RAB37: variants seen among roughly 807,000 people sequenced by gnomAD.
The protein encoded by RAB37 is RAB37, member RAS oncogene family.
A neutral mutation model predicts 33.1 loss-of-function variants in RAB37; 29 were observed. The observed-to-expected ratio is 0.88, with a 90% CI of 0.65 to 1.20. The LOEUF is 1.20. RAB37 is among the 50% of genes most tolerant of loss of function. RAB37 has a pLI of 0.00. For synonymous variants in RAB37, 128 were observed against 119.5 expected, an observed-to-expected ratio of 1.07 and a Z score of -0.47; for missense variants, 299 against 301.1, an observed-to-expected ratio of 0.99 and a Z score of 0.05.
At position 74,742,107 on chromosome 17, in the gene RAB37, C is replaced by A; in HGVS notation, c.205-147C>A. ...GAGGTGTCTGGGTATGGGGTTCCTG[C>A]TGCCCTGATGGTATGATCTGGCTGG... On this transcript the variant is annotated intron_variant, in intron 2 of 8. Coordinates refer to ENST00000392613, the MANE Select transcript of RAB37 (RefSeq NM_001006638.3). This position sits in a 1 kb window ranked among gnomAD's most constrained non-coding sequence, Gnocchi z 4.0. The A allele has an allele frequency of 1.1e-6, 1 of 911,804 alleles. No individual in the cohort carries two copies. Among genetic ancestry groups the A allele is most frequent in the Non-Finnish European group, 1.7e-6 (1 of 598,624 alleles). The allele number at this position is 911,804 out of a possible 1,614,324, so 56.5% of individuals were successfully genotyped here. A position where few individuals can be genotyped will look rare whatever the true frequency, so the allele number is the denominator to read the frequency against.
chr17:74,735,002 A>G (rs1240135377), upstream of RAB37, among the ~76,000 whole-genome samples: 267 of 85,150 alleles, frequency 3.1e-3, 1 homozygote, highest in African/African-American at 7.1e-3. Flanking sequence ...GAAGAAAGAA[A>G]AAGAAAGGAA....
chr17:74,736,786 T>C, upstream of RAB37: 1 of 1,535,580 alleles, frequency 6.5e-7, no homozygotes, highest in Non-Finnish European at 8.7e-7. Flanking sequence ...GCCGGGTGAC[T>C]TAACAGATGA....
chr17:74,727,169 G>A (rs1239232125), intron 1 of RAB37, among the ~76,000 whole-genome samples: 2 of 152,226 alleles, frequency 1.3e-5, no homozygotes, highest in Non-Finnish European at 2.9e-5. Flanking sequence ...AAGTCCAAGT[G>A]TGCAAGGCAC....
rs1394110823 is a variant in RAB37 at position 74,701,381 on chromosome 17, T to C, written c.73-27875T>C. Among the ~76,000 whole-genome samples the C allele has an allele frequency of 5.9e-5, 9 of 152,196 alleles. No homozygotes were observed. The East Asian group carries it at 1.7e-3, about 29-fold the overall frequency. ...AGAGTGAGTGCTCAAGAGTTATGTG[T>C]TAAATAAATGAGTGAACAAACCATC... is the stretch of plus-strand genomic sequence containing the variant. On this transcript the variant is annotated intron_variant, in intron 1 of 7. Coordinates refer to the RAB37 transcript ENST00000340415.
intron 1 of RAB37, chr17:74,698,517 C>A (rs1380642448): frequency 6.3e-7 from 1 of 1,583,546 alleles, no homozygotes; most frequent in East Asian, 2.3e-5. Context: ...GCATCCCAGG[C>A]TCACCACCTG....
At chr17:74,688,950 A>C (rs892905045) in intron 1 of RAB37, among the ~76,000 whole-genome samples, 2 of 152,252 alleles carry the variant, frequency 1.3e-5, no homozygotes, top group African/African-American at 4.8e-5. Context: ...TTAGGTCTAC[A>C]TCAAAATACT....
intron 1 of RAB37, among the ~76,000 whole-genome samples, chr17:74,687,406 T>C (rs1178319629): frequency 6.6e-6 from 1 of 152,012 alleles, no homozygotes; most frequent in Non-Finnish European, 1.5e-5. Context: ...GTATTTTTAA[T>C]AGAGATGGGG....
At chr17:74,731,874 G>A (rs1567811042) in intron 2 of RAB37, among the ~76,000 whole-genome samples, 1 of 152,218 alleles carries the variant, frequency 6.6e-6, no homozygotes, top group African/African-American at 2.4e-5. Context: ...GCCAGGCGTG[G>A]TGGCACACGC....
intron 1 of RAB37, among the ~76,000 whole-genome samples, chr17:74,694,150 T>C (rs554771113): frequency 9.2e-5 from 14 of 152,154 alleles, no homozygotes; most frequent in African/African-American, 3.1e-4. Context: ...AACCTCTCCA[T>C]CCCTAGGGTT....
chr17:74,705,059 A>G, intron 1 of RAB37: 2 of 614,474 alleles, frequency 3.3e-6, no homozygotes, highest in South Asian at 3.8e-5. Flanking sequence ...ATAAGCAATA[A>G]TAACTTCCTG....
At chr17:74,724,016 G>T (rs192720366) in intron 1 of RAB37, among the ~76,000 whole-genome samples, 1 of 152,192 alleles carries the variant, frequency 6.6e-6, no homozygotes, top group Non-Finnish European at 1.5e-5. Context: ...AGCAGCTGTT[G>T]GGTGGCGAGA....
chr17:74,705,659 A>G (rs572563541), intron 1 of RAB37, among the ~76,000 whole-genome samples: 12 of 152,166 alleles, frequency 7.9e-5, no homozygotes, highest in African/African-American at 2.9e-4. Flanking sequence ...TCATGGCTCA[A>G]TCATGGCTCA....
intron 1 of RAB37, among the ~76,000 whole-genome samples, chr17:74,679,364 C>T (rs1241077106): frequency 6.6e-6 from 1 of 152,112 alleles, no homozygotes. Flanking sequence ...CACCCCCTTT[C>T]AGCCCCTGGA....
At position 74,676,636 on chromosome 17, in the gene RAB37, C is replaced by T. The variant is rs758834579; in HGVS notation, c.72+4978C>T. The stretch of plus-strand genomic sequence containing the variant: ...AAACATGCATTGGACATTTCCAAAG[C>T]GTAAAGAACTAGGCTGGTCATTGTC... On this transcript the variant is annotated intron_variant, in intron 1 of 7. Coordinates refer to the RAB37 transcript ENST00000340415. The surrounding 1 kb of genome is among the most constrained non-coding windows in gnomAD (Gnocchi z 4.1). Among the ~76,000 whole-genome samples, 1 of 152,176 alleles carries T rather than the reference C, an allele frequency of 6.6e-6. No individual in the cohort carries two copies. The highest frequency in any genetic ancestry group is 1.5e-5 in the Non-Finnish European group (1 of 68,040).
At chr17:74,714,718 G>A (rs901506195) in intron 1 of RAB37, among the ~76,000 whole-genome samples, 6 of 152,070 alleles carry the variant, frequency 3.9e-5, no homozygotes, top group Admixed American at 3.3e-4. Context: ...AGAAAGGAAG[G>A]ACCAGTTTTG....
At chr17:74,743,782 C>T (rs1286595854) in intron 5 of RAB37, among the ~76,000 whole-genome samples, 2 of 152,214 alleles carry the variant, frequency 1.3e-5, no homozygotes, top group African/African-American at 4.8e-5. Context: ...TTGATAAATT[C>T]AAGCACCAAT....
Position 74,745,328 on chromosome 17 carries a change from C to A in RAB37, c.589C>A (p.His197Asn). Residue 197 changes from histidine (H) to asparagine (N), a missense_variant, in exon 9 of 9, where the codon CAT becomes AAT. By Grantham distance (68) the His-to-Asn change is moderately conservative. Transcript: ENST00000392613. The surrounding 1 kb of genome is among the most constrained non-coding windows in gnomAD (Gnocchi z 4.5). ...AAGGGAACTGAAATACCGGGCCGGG[C>A]ATCAGGCGGATGAGCCCAGCTTCCA... ...IAKELKYRAGHQADEPSFQIR... is the reference protein window; with the variant it reads ...IAKELKYRAGNQADEPSFQIR... The A allele has an allele frequency of 1.9e-6, 3 of 1,614,112 alleles. No individual in the cohort carries two copies. The highest frequency in any genetic ancestry group is 2.5e-6 in the Non-Finnish European group (3 of 1,180,016).
intron 5 of RAB37, 112 bp downstream of exon 5, chr17:74,743,452 C>A: frequency 1.9e-6 from 2 of 1,077,146 alleles, no homozygotes; most frequent in Non-Finnish European, 2.8e-6. Flanking sequence ...AGTCCTCCTG[C>A]CTTCTGAAAA....
Position 74,671,467 on chromosome 17 carries a change from GCGGCC to G in RAB37, c.-112_-108del. 1 of 905,536 alleles carries G rather than the reference GCGGCC, an allele frequency of 1.1e-6. No individual in the cohort carries two copies. The highest frequency in any genetic ancestry group is 1.7e-6 in the Non-Finnish European group (1 of 583,758). 56.1% of individuals were successfully genotyped at this position (905,536 alleles called of 1,614,324 possible). Reference sequence around the variant, plus strand: ...GAACTGTCCAGTGCTGAAAACGGATGCGGCCCGGCCCGCAGAGCTCAGACCCAAGC... The same window carrying G: ...GAACTGTCCAGTGCTGAAAACGGATGCGGCCCGCAGAGCTCAGACCCAAGC... On this transcript the variant is annotated 5_prime_UTR_variant, in exon 1 of 8. Coordinates refer to the RAB37 transcript ENST00000340415. This position sits in a 1 kb window ranked among gnomAD's most constrained non-coding sequence, Gnocchi z 5.0.
Sources: gnomAD v4.1 joint callset for allele counts (sites outside exome capture counted in the v4.1 genomes callset) on GRCh38, gnomAD v4.1.1 for gene constraint, Gnocchi (gnomAD v3.1) non-coding constraint, MANE v1.5 for transcripts, NCBI Gene and HGNC (gene_info 2026-07-23, HGNC 2026-07-21) for gene names.